OTC: variants seen among roughly 807,000 people sequenced by gnomAD.
The protein encoded by OTC is ornithine transcarbamylase, also known as ornithine transcarbamylase, mitochondrial.
OTC carries 3 observed loss-of-function variants against 30.3 expected under a neutral mutation model. The observed-to-expected ratio is 0.10, with a 90% confidence interval of 0.05 to 0.26. The LOEUF (loss-of-function observed/expected upper bound fraction) is 0.26, where lower values mean the gene tolerates loss of function less well. Among genes scored for constraint, OTC ranks in the 10% least tolerant of loss-of-function variants. The pLI, the probability that OTC is intolerant of heterozygous loss-of-function variation, is 1.00. For missense variants in OTC, 194 were observed against 260.3 expected, an observed-to-expected ratio of 0.75 and a Z score of 1.75; for synonymous variants, 111 against 99.7, an observed-to-expected ratio of 1.11 and a Z score of -0.67.
intron 4 of OTC, among the ~76,000 whole-genome samples, chrX:38,387,626 A>T (rs12156692): frequency 1.8e-5 from 2 of 110,819 alleles, no homozygotes; most frequent in Non-Finnish European, 3.8e-5. Flanking sequence ...TTGATCATTT[A>T]TTGGAAGGAC....
chrX:38,334,393 T>C, the OTC span, among the ~76,000 whole-genome samples: 3 of 111,826 alleles, frequency 2.7e-5, no homozygotes, highest in Non-Finnish European at 5.6e-5. Context: ...TCAGACTTTT[T>C]AGCTTACACA....
chrX:38,392,871 G>A (rs897386975), intron 4 of OTC, among the ~76,000 whole-genome samples: 7 of 112,215 alleles, frequency 6.2e-5, no homozygotes, highest in African/African-American at 1.9e-4. Context: ...GGGATATTCC[G>A]CACTCTTTGT....
At chrX:38,399,529 A>C (rs2068473979) in intron 4 of OTC, among the ~76,000 whole-genome samples, 2 of 110,802 alleles carry the variant, frequency 1.8e-5, no homozygotes, top group South Asian at 7.7e-4. Context: ...TGGGCGGATC[A>C]CCTGAGGTCA....
intron 9 of OTC, among the ~76,000 whole-genome samples, chrX:38,418,935 T>C (rs1456350068): frequency 8.9e-6 from 1 of 112,128 alleles, no homozygotes; most frequent in African/African-American, 3.2e-5. Flanking sequence ...CAGAGCTTTT[T>C]CCCTATGTTT....
chrX:38,391,105 C>T (rs1320198100), intron 4 of OTC, among the ~76,000 whole-genome samples: 1 of 110,669 alleles, frequency 9.0e-6, no homozygotes, highest in Non-Finnish European at 1.9e-5. Flanking sequence ...TTGAGCCCTG[C>T]ATAAATCATC....
the OTC span, among the ~76,000 whole-genome samples, chrX:38,336,743 G>A: frequency 9.1e-6 from 1 of 110,356 alleles, no homozygotes; most frequent in East Asian, 2.8e-4. Context: ...TTGCCAAGGG[G>A]TGGGAAGAAA....
At chrX:38,398,670 A>G (rs1291211426) in intron 4 of OTC, among the ~76,000 whole-genome samples, 2 of 111,105 alleles carry the variant, frequency 1.8e-5, no homozygotes, top group Non-Finnish European at 3.8e-5. Context: ...CATCTGATAT[A>G]GGGAATTGAT....
intron 8 of OTC, 69 bp from the exon 9 acceptor site, chrX:38,411,793 A>G: frequency 1.2e-5 from 12 of 1,038,334 alleles, no homozygotes; most frequent in Non-Finnish European, 1.6e-5. Flanking sequence ...GTGTTTTTAG[A>G]TACTGAAGAA....
upstream of OTC, among the ~76,000 whole-genome samples, chrX:38,349,052 G>A (rs2068202439): frequency 8.9e-6 from 1 of 111,926 alleles, no homozygotes; most frequent in Non-Finnish European, 1.9e-5. Context: ...GGGAAAAGAA[G>A]AAGAAGCTGT....
intron 9 of OTC, among the ~76,000 whole-genome samples, chrX:38,420,658 G>T: frequency 9.0e-6 from 1 of 110,718 alleles, no homozygotes; most frequent in East Asian, 2.9e-4. Context: ...TAAACACAAG[G>T]ATCTGGAATA....
chrX:38,409,080 CCATCTAAT>C, intron 8 of OTC, 55 bp downstream of exon 8: 1 of 1,121,967 alleles, frequency 8.9e-7, no homozygotes, highest in Non-Finnish European at 1.2e-6. Context: ...AAGGCCAGAA[CCATCTAAT>C]CACTTATTCA....
the OTC span, among the ~76,000 whole-genome samples, chrX:38,333,192 G>A: frequency 9.9e-6 from 1 of 100,701 alleles, no homozygotes; most frequent in African/African-American, 3.8e-5. Flanking sequence ...TCCAGCCTGG[G>A]CAACAAGGAG....
chrX:38,396,784 A>AT (rs1229222699), intron 4 of OTC, among the ~76,000 whole-genome samples: 78 of 111,671 alleles, frequency 7.0e-4, no homozygotes, highest in African/African-American at 2.4e-3. Context: ...AAAAAAAAAA[A>AT]TTTAGACTAC....
At chrX:38,353,732 C>T (rs1221875852) in intron 1 of OTC, among the ~76,000 whole-genome samples, 2 of 111,052 alleles carry the variant, frequency 1.8e-5, no homozygotes, top group Non-Finnish European at 3.8e-5. Flanking sequence ...AGAATGATAC[C>T]GTAAATAATA....
At chrX:38,382,009 G>T (rs1379284555) in intron 4 of OTC, among the ~76,000 whole-genome samples, 1 of 111,894 alleles carries the variant, frequency 8.9e-6, no homozygotes, top group East Asian at 2.8e-4. Flanking sequence ...ATTTATGTGG[G>T]TTATTCAGGG....
rs534982613 is a variant in OTC at position 38,411,260 on chromosome X, A to G, written c.868-602A>G. ...ACTTTTGCTATCAGCCACATATTAC[A>G]TTAGTAGAGTTCTTTACTGAAAGGT... On this transcript the variant is annotated intron_variant, in intron 8 of 9. Transcript: ENST00000039007. Among the ~76,000 whole-genome samples the G allele has an allele frequency of 1.4e-4, 15 of 109,806 alleles. No individual in the cohort carries two copies. In the South Asian group the frequency reaches 6.0e-3, roughly 44 times the overall value.
chrX:38,331,456 T>TTTTTTTTTTTTG, the OTC span, among the ~76,000 whole-genome samples: 1 of 26,902 alleles, frequency 3.7e-5, no homozygotes, highest in Non-Finnish European at 9.2e-5. Flanking sequence ...TTTTTTTTTG[T>TTTTTTTTTTTTG]TTGTTTTTTT....
intron 1 of OTC, among the ~76,000 whole-genome samples, chrX:38,360,518 G>T (rs2068266467): frequency 8.9e-6 from 1 of 111,741 alleles, no homozygotes; most frequent in Non-Finnish European, 1.9e-5. Context: ...AGTCAGGAAA[G>T]GAATCTCTTA....
chrX:38,356,996 C>G (rs5917575), intron 1 of OTC, among the ~76,000 whole-genome samples: 45,302 of 109,824 alleles, frequency 0.41, 7,208 homozygotes, highest in Middle Eastern at 0.57. Flanking sequence ...TGCATGCATT[C>G]TAATATGCCT....
Sources: gnomAD v4.1 joint callset for allele counts (sites outside exome capture counted in the v4.1 genomes callset) on GRCh38, gnomAD v4.1.1 for gene constraint, MANE v1.5 for transcripts, NCBI Gene and HGNC (gene_info 2026-07-23, HGNC 2026-07-21) for gene names.